RERE: variants seen among roughly 807,000 people sequenced by gnomAD.
RERE encodes arginine-glutamic acid dipeptide repeats, also known as arginine-glutamic acid dipeptide repeats protein.
In RERE, 40 loss-of-function variants were observed where a neutral mutation model predicts 146.1. That is an observed-to-expected ratio of 0.27 (90% confidence interval 0.21 to 0.36). The LOEUF is 0.36. RERE is among the 10% of genes least tolerant of loss of function. The pLI is 1.00. For synonymous variants in RERE, 1,003 were observed against 866.0 expected (o/e 1.16, Z -2.78); for missense variants, 1,933 against 2,138.7 (o/e 0.90, Z 1.90).
intron 1 of RERE, among the ~76,000 whole-genome samples, chr1:8,790,266 A>AC (rs1182662057): frequency 6.6e-6 from 1 of 151,644 alleles, no homozygotes; most frequent in Non-Finnish European, 1.5e-5. Flanking sequence ...GTTAAAGGAC[A>AC]CCCCCCCAAA....
Position 8,369,907 on chromosome 1 carries a change from G to A in RERE, c.1285-3933C>T, listed in dbSNP as rs188710349. Among the ~76,000 whole-genome samples, 590 of 151,830 alleles carry A rather than the reference G, an allele frequency of 3.9e-3. 5 individuals are homozygous for A. The highest frequency in any genetic ancestry group is 0.014 in the African/African-American group (572 of 41,374). Reference sequence around the variant, plus strand: ...CGGGTTCACGCCATTCTCCTGCCTCGGCCTCCCGAGTAGCTGGGACTACAG... The same window carrying A: ...CGGGTTCACGCCATTCTCCTGCCTCAGCCTCCCGAGTAGCTGGGACTACAG... On this transcript the variant is annotated intron_variant, in intron 12 of 22. Transcript: ENST00000400908.
intron 1 of RERE, among the ~76,000 whole-genome samples, chr1:8,761,432 T>C (rs1640753762): frequency 1.3e-5 from 2 of 152,194 alleles, no homozygotes; most frequent in African/African-American, 4.8e-5. Flanking sequence ...AGCATCTTCT[T>C]CCTCAAATCA....
At chr1:8,543,314 A>G (rs1645821352) in intron 6 of RERE, among the ~76,000 whole-genome samples, 1 of 152,202 alleles carries the variant, frequency 6.6e-6, no homozygotes, top group African/African-American at 2.4e-5. Context: ...TCATCCATAC[A>G]AGGTGATTTA....
Position 8,361,830 on chromosome 1 carries a change from T to C in RERE, c.1949A>G (p.Gln650Arg). The C allele has an allele frequency of 1.9e-6, 3 of 1,614,142 alleles. No homozygotes were observed. Among genetic ancestry groups the C allele is most frequent in the Non-Finnish European group, 2.5e-6 (3 of 1,179,958 alleles). The change falls in exon 17 of 23, where the codon CAG (glutamine) becomes CGG (arginine). Residue 650 changes from glutamine (Q) to arginine (R), a missense_variant. This residue lies in a region of RERE where 1,255 missense variants were observed against 1,153.8 expected (regional missense o/e 1.09). Coordinates refer to ENST00000400908, the MANE Select transcript of RERE (RefSeq NM_001042681.2). ...ASSPLKSNKR[Q>R]REKVASDTEE... ...CGTATCAGAGGCCACCTTCTCCCGC[T>C]GGCGTTTGTTACTCTTAAGAGGGGA...
chr1:8,480,359 T>G (rs1236111660), intron 10 of RERE, among the ~76,000 whole-genome samples: 1 of 151,780 alleles, frequency 6.6e-6, no homozygotes, highest in Non-Finnish European at 1.5e-5. Context: ...AGGCTAGTCT[T>G]GAACTCTTGA....
intron 1 of RERE, among the ~76,000 whole-genome samples, chr1:8,808,876 G>A (rs1641738716): frequency 1.3e-5 from 2 of 152,078 alleles, no homozygotes; most frequent in Admixed American, 6.6e-5. Flanking sequence ...AGTGACTCAC[G>A]CCTGTAATCC....
chr1:8,758,443 G>A (rs1294380181), intron 1 of RERE, among the ~76,000 whole-genome samples: 1 of 150,146 alleles, frequency 6.7e-6, no homozygotes, highest in Non-Finnish European at 1.5e-5. Flanking sequence ...CCAAGCTGGA[G>A]TGCAGCGGCA....
intron 12 of RERE, chr1:8,381,196 C>A: frequency 2.8e-6 from 1 of 360,320 alleles, no homozygotes; most frequent in South Asian, 2.0e-5. Flanking sequence ...GTGGCTCATA[C>A]ATCACTGAGT....
intron 1 of RERE, among the ~76,000 whole-genome samples, chr1:8,701,322 ACG>A (rs1174175273): frequency 0.099 from 2,480 of 25,082 alleles, 36 homozygotes; most frequent in African/African-American, 0.3. Flanking sequence ...ACACACACAC[ACG>A]CACACACTCC....
intron 2 of RERE, among the ~76,000 whole-genome samples, 183 bp downstream of exon 2, chr1:8,655,790 A>G (rs979892879): frequency 6.6e-6 from 1 of 152,248 alleles, no homozygotes; most frequent in Admixed American, 6.5e-5. Flanking sequence ...TAAGGCAGAC[A>G]CAAGCAAGAA....
rs58718828 is a variant in RERE, at chr1:8,668,924, CTGTGTGTG to C, written c.-144-12491_-144-12484del. Among the ~76,000 whole-genome samples the C allele has an allele frequency of 1.6e-3, 134 of 83,530 alleles. 14 individuals carry two copies. Among genetic ancestry groups the C allele is most frequent in the African/African-American group, 5.1e-3 (121 of 23,506 alleles). 54.8% of individuals were successfully genotyped at this position (83,530 alleles called of 152,430 possible). ...TGAATATTCTAAAATGCACTAAACT[CTGTGTGTG>C]TGTGTGTGTGTGTGTGTGTGTGTGT... On this transcript the variant is annotated intron_variant, in intron 1 of 22. Transcript: ENST00000400908.
rs564922697 is a variant in RERE at position 8,566,745 on chromosome 1, A to C, written c.523-9222T>G. Among the ~76,000 whole-genome samples the C allele has an allele frequency of 9.9e-5, 15 of 152,266 alleles. No homozygotes were observed. In the East Asian group the frequency reaches 2.9e-3, roughly 29 times the overall value. Reference sequence around the variant, plus strand: ...TATACCTGGAACTACTGGTACATCCAATATATAGCAGACTTCTGGAGGGAT... The same window carrying C: ...TATACCTGGAACTACTGGTACATCCCATATATAGCAGACTTCTGGAGGGAT... On this transcript the variant is annotated intron_variant, in intron 4 of 22. Transcript: ENST00000400908.
At chr1:8,709,453 G>A (rs1033684740) in intron 1 of RERE, among the ~76,000 whole-genome samples, 1 of 151,864 alleles carries the variant, frequency 6.6e-6, no homozygotes, top group African/African-American at 2.4e-5. Flanking sequence ...ATGGTCCTAC[G>A]GAAAATCCAA....
intron 2 of RERE, among the ~76,000 whole-genome samples, chr1:8,654,046 G>T (rs980190287): frequency 8.6e-5 from 13 of 151,140 alleles, no homozygotes; most frequent in East Asian, 5.8e-4. Flanking sequence ...TTTTTTGCGG[G>T]GGGGAGGGGT....
chr1:8,390,953 A>G (rs1404126017), intron 12 of RERE, among the ~76,000 whole-genome samples: 1 of 151,508 alleles, frequency 6.6e-6, no homozygotes. Context: ...AAAACAAAAC[A>G]AAAAAAACTT....
In RERE at chr1:8,384,238, T is replaced by C. The variant is rs535509808; in HGVS notation, c.1285-18264A>G. Among the ~76,000 whole-genome samples the C allele has an allele frequency of 1.5e-4, 23 of 152,308 alleles. 1 individual carries two copies. Among genetic ancestry groups the C allele is most frequent in the African/African-American group, 5.5e-4 (23 of 41,574 alleles). On this transcript the variant is annotated intron_variant, in intron 12 of 22. Transcript: ENST00000400908. ...GCTGTGTGACTGGGAACATGTAAGC[T>C]GGGATGCACGGAGGTCCAGTCTCTC...
At chr1:8,369,486 G>A (rs1197281867) in intron 12 of RERE, among the ~76,000 whole-genome samples, 1 of 78,518 alleles carries the variant, frequency 1.3e-5, no homozygotes, top group Admixed American at 1.9e-4. Flanking sequence ...TCTTCAAATC[G>A]AATAAATCTT....
chr1:8,530,853 G>A (rs574540414), intron 7 of RERE, among the ~76,000 whole-genome samples: 20 of 150,892 alleles, frequency 1.3e-4, no homozygotes, highest in African/African-American at 4.1e-4. Flanking sequence ...CACCGCGCCC[G>A]GCTAATTTTT....
intron 8 of RERE, among the ~76,000 whole-genome samples, chr1:8,500,551 G>A (rs557811718): frequency 5.6e-4 from 85 of 152,208 alleles, no homozygotes; most frequent in African/African-American, 1.7e-3. Flanking sequence ...GTGTGATCTC[G>A]GCTCGCTACA....
Sources: gnomAD v4.1 joint callset for allele counts (sites outside exome capture counted in the v4.1 genomes callset) on GRCh38, gnomAD v4.1.1 for gene constraint, gnomAD v4.1.1 regional missense constraint, MANE v1.5 for transcripts, NCBI Gene and HGNC (gene_info 2026-07-23, HGNC 2026-07-21) for gene names.